ARFGEF1: variants seen among roughly 807,000 people sequenced by gnomAD.
ARFGEF1 encodes the protein brefeldin A-inhibited guanine nucleotide-exchange protein 1.
In ARFGEF1, 42 loss-of-function variants were observed where a neutral mutation model predicts 231.0. The ratio of observed to expected loss-of-function variants is 0.18; its 90% confidence interval spans 0.14 to 0.24. The LOEUF is 0.24. Ranked by LOEUF, ARFGEF1 falls within the 10% of genes least tolerant of loss-of-function variation. The probability of loss-of-function intolerance (pLI) is 1.00; values close to 1 mark genes in which losing one functional copy is unlikely to be tolerated. For missense variants in ARFGEF1, 1,345 were observed against 2,192.0 expected, an observed-to-expected ratio of 0.61 and a Z score of 7.72; for synonymous variants, 710 against 732.3, an observed-to-expected ratio of 0.97 and a Z score of 0.49.
intron 1 of ARFGEF1, among the ~76,000 whole-genome samples, chr8:67,333,153 A>G (rs1808181290): frequency 6.6e-6 from 1 of 150,930 alleles, no homozygotes; most frequent in African/African-American, 2.4e-5. Context: ...CTCCTGCCTC[A>G]GCCGCCCGAG....
intron 1 of ARFGEF1, among the ~76,000 whole-genome samples, chr8:67,335,751 C>CTT (rs757768200): frequency 2.1e-5 from 3 of 144,962 alleles, no homozygotes; most frequent in Non-Finnish European, 3.1e-5. Context: ...TAAAGATTTT[C>CTT]TTTTTTTTTT....
At chr8:67,293,838 A>T (rs999968354) in intron 5 of ARFGEF1, among the ~76,000 whole-genome samples, 6 of 152,152 alleles carry the variant, frequency 3.9e-5, no homozygotes, top group African/African-American at 1.4e-4. Context: ...AAGAAGAGGA[A>T]TGCAGTGGTA....
chr8:67,284,749 C>T (rs1053029063), intron 7 of ARFGEF1, among the ~76,000 whole-genome samples: 2 of 152,106 alleles, frequency 1.3e-5, no homozygotes, highest in South Asian at 4.1e-4. Flanking sequence ...CCTCTCTATC[C>T]ACTGGAAGGG....
Position 67,254,101 on chromosome 8 carries a change from T to C in ARFGEF1, c.2527-479A>G, listed in dbSNP as rs1206091622. Among the ~76,000 whole-genome samples, 3 of 152,370 alleles carry C rather than the reference T, an allele frequency of 2.0e-5. No individual in the cohort carries two copies. In the East Asian group the frequency reaches 5.8e-4, roughly 29 times the overall value. On this transcript the variant is annotated intron_variant, in intron 17 of 38. Transcript: ENST00000262215. ...AAAACCAGTTAACAATCTCTCTGAC[T>C]GAGTCACTGTGGCAACTGAATTATG...
chr8:67,219,104 C>A (rs1470974443), intron 30 of ARFGEF1, among the ~76,000 whole-genome samples: 1 of 152,024 alleles, frequency 6.6e-6, no homozygotes, highest in African/African-American at 2.4e-5. Context: ...GTAGCTGGGA[C>A]TACAGGTACC....
At chr8:67,175,025 G>T (rs1402000707), downstream of ARFGEF1, 4 of 385,494 alleles carry the variant, frequency 1.0e-5, no homozygotes, top group African/African-American at 4.1e-5. Context: ...GGCTAGGACA[G>T]GTAGAGATGG....
chr8:67,177,866 G>A, intron 5 of ARFGEF1: 2 of 708,018 alleles, frequency 2.8e-6, no homozygotes, highest in South Asian at 3.4e-5. Context: ...AAAGTGGATA[G>A]CTTGAGAAGT....
At chr8:67,295,451 G>C (rs556931906) in intron 5 of ARFGEF1, among the ~76,000 whole-genome samples, 1 of 152,222 alleles carries the variant, frequency 6.6e-6, no homozygotes, top group East Asian at 1.9e-4. Context: ...GCACTGAAAA[G>C]GACACAACAT....
intron 35 of ARFGEF1, 33 bp downstream of exon 35, chr8:67,204,647 A>G (rs1838448575): frequency 1.9e-6 from 3 of 1,591,592 alleles, no homozygotes; most frequent in South Asian, 1.1e-5. Flanking sequence ...TCCTACTTAC[A>G]CAAAAAAAGC....
chr8:67,236,669 C>T (rs1839781739), intron 22 of ARFGEF1, among the ~76,000 whole-genome samples: 1 of 151,972 alleles, frequency 6.6e-6, no homozygotes, highest in Non-Finnish European at 1.5e-5. Context: ...AGCATGGAGT[C>T]AGGACTGAGC....
At chr8:67,336,111 T>C (rs756432839) in intron 1 of ARFGEF1, among the ~76,000 whole-genome samples, 3 of 152,262 alleles carry the variant, frequency 2.0e-5, no homozygotes, top group Non-Finnish European at 2.9e-5. Context: ...TAAACAAATT[T>C]AGTTACATCA....
chr8:67,194,278 A>G (rs1027475249), downstream of ARFGEF1, among the ~76,000 whole-genome samples: 1 of 152,230 alleles, frequency 6.6e-6, no homozygotes, highest in Non-Finnish European at 1.5e-5. Flanking sequence ...CTATTTGGGA[A>G]ATACTCTTTA....
At position 67,218,206 on chromosome 8, in the gene ARFGEF1, AAATATAT is replaced by A. The variant is rs1200841587; in HGVS notation, c.4339-75_4339-69del. ...CTACTATGATTAAAAAAAAAAAAAA[AAATATAT>A]ATATATATATATATATATATAAATG... On this transcript the variant is annotated intron_variant, in intron 30 of 38. Transcript: ENST00000262215. 1.4e-4 allele frequency: 25 copies of A among 174,964 alleles called. No homozygotes were observed. The East Asian group carries it at 2.4e-3, about 17-fold the overall frequency. The allele number at this position is 174,964 out of a possible 1,614,324, so 10.8% of individuals were successfully genotyped here. A position where few individuals can be genotyped will look rare whatever the true frequency, so the allele number is the denominator to read the frequency against.
In ARFGEF1 at chr8:67,228,267, A is replaced by G; in HGVS notation, c.3381-3T>C. ...GCCTTGTAGATCCTGTGAATATTCT[A>G]GGGAAAATAAAACACAATTTAAAAA... is the stretch of plus-strand genomic sequence containing the variant. On this transcript the variant is annotated splice_region_variant and splice_polypyrimidine_tract_variant and intron_variant, in intron 23 of 38. Coordinates refer to ENST00000262215, the MANE Select transcript of ARFGEF1 (RefSeq NM_006421.5). The G allele has an allele frequency of 6.2e-7, 1 of 1,606,732 alleles. No homozygotes were observed. Among genetic ancestry groups the G allele is most frequent in the Non-Finnish European group, 8.5e-7 (1 of 1,175,594 alleles).
At chr8:67,193,611 C>T (rs1258927632), downstream of ARFGEF1, 2 of 1,610,428 alleles carry the variant, frequency 1.2e-6, no homozygotes, top group Non-Finnish European at 1.7e-6. Context: ...AGGTAAATGA[C>T]CAAGTGTAAT....
At chr8:67,292,867 C>A (rs1806070464) in intron 5 of ARFGEF1, among the ~76,000 whole-genome samples, 1 of 151,970 alleles carries the variant, frequency 6.6e-6, no homozygotes, top group African/African-American at 2.4e-5. Flanking sequence ...TAATTTCCAC[C>A]AAGATAAATC....
chr8:67,301,264 T>C lies in ARFGEF1; in HGVS notation c.272A>G (p.Lys91Arg), dbSNP rs910132709. ...FLPFELACQS[K>R]CPRIVSTSLD... is the part of the protein sequence containing the mutation. ...AGATGTACTAACTATGCGAGGACAT[T>C]TGGACTGGCATGCCAACTCAAAAGG... Residue 91 changes from lysine (K) to arginine (R), a missense_variant, in exon 3 of 39, where the codon AAA becomes AGA. Coordinates refer to ENST00000262215, the MANE Select transcript of ARFGEF1 (RefSeq NM_006421.5). 1 of 1,613,774 alleles carries C rather than the reference T, an allele frequency of 6.2e-7. No individual in the cohort carries two copies. The highest frequency in any genetic ancestry group is 1.3e-5 in the African/African-American group (1 of 74,908).
intron 7 of ARFGEF1, among the ~76,000 whole-genome samples, chr8:67,282,817 C>T (rs1161517513): frequency 6.8e-6 from 1 of 146,262 alleles, no homozygotes; most frequent in Non-Finnish European, 1.5e-5. Flanking sequence ...CACTGCACTC[C>T]AGCCTCGATG....
chr8:67,199,122 A>G, intron 38 of ARFGEF1, 24 bp from the exon 39 acceptor site: 1 of 1,595,910 alleles, frequency 6.3e-7, no homozygotes, highest in Non-Finnish European at 8.5e-7. Flanking sequence ...GAATTTCTCC[A>G]TTAGTAGTGA....
Sources: gnomAD v4.1 joint callset for allele counts (sites outside exome capture counted in the v4.1 genomes callset) on GRCh38, gnomAD v4.1.1 for gene constraint, MANE v1.5 for transcripts, NCBI Gene and HGNC (gene_info 2026-07-23, HGNC 2026-07-21) for gene names.